Variants in SGK2 observed in about 807,000 individuals in gnomAD.
SGK2 encodes serum/glucocorticoid regulated kinase 2.
Under a neutral mutation model 47.5 loss-of-function variants are expected in SGK2, and 36 were observed. The observed-to-expected ratio is 0.76, with a 90% confidence interval of 0.58 to 1.00. The LOEUF is 1.00. Ranked by LOEUF, SGK2 falls within the 50% of genes least tolerant of loss-of-function variation. The pLI is 0.00. For missense variants in SGK2, 404 were observed against 467.4 expected (o/e 0.86, Z 1.25); for synonymous variants, 157 against 181.9 (o/e 0.86, Z 1.10).
rs111670042 is a variant in SGK2 at position 43,562,417 on chromosome 20, C to CAA, written c.-24+3284_-24+3285dup. 1.6e-3 allele frequency among the ~76,000 whole-genome samples: 82 copies of CAA among 49,906 alleles called. 1 individual carries two copies. The highest frequency in any genetic ancestry group is 0.012 in the Middle Eastern group (1 of 82). The allele number at this position is 49,906 out of a possible 152,430, so 32.7% of individuals were successfully genotyped here. ...TGGGCTGCAGAGCTAAACCATGTCT[C>CAA]AAAAAAAAAAAAAAAAAAAAAAAAA... On this transcript the variant is annotated intron_variant, in intron 1 of 12. Coordinates refer to ENST00000373100, the MANE Select transcript of SGK2 (RefSeq NM_170693.3).
chr20:43,567,470 T>C (rs1417508885), intron 3 of SGK2, among the ~76,000 whole-genome samples, 195 bp from the exon 4 acceptor site: 4 of 152,160 alleles, frequency 2.6e-5, no homozygotes, highest in Non-Finnish European at 5.9e-5. Flanking sequence ...TGAGTTCCCC[T>C]GGGGCCAGGG....
intron 1 of SGK2, among the ~76,000 whole-genome samples, chr20:43,563,807 C>T (rs1568657938): frequency 6.6e-6 from 1 of 152,232 alleles, no homozygotes; most frequent in Non-Finnish European, 1.5e-5. Flanking sequence ...GTCAACATGA[C>T]ATCCTGCTGA....
rs112486997 is a variant in SGK2 at position 43,559,571 on chromosome 20, C to T, written c.-24+412C>T. On this transcript the variant is annotated intron_variant, in intron 1 of 12. Transcript: ENST00000373100. ...AGTTTTCTCCTCCTTGAAACAGGGA[C>T]GATGATAGTTCCTAACCCGTGGGGT... Among the ~76,000 whole-genome samples, 95 of 152,216 alleles carry T rather than the reference C, an allele frequency of 6.2e-4. 1 individual carries two copies. Among genetic ancestry groups the T allele is most frequent in the African/African-American group, 2.0e-3 (83 of 41,538 alleles).
At chr20:43,584,733 A>G in intron 12 of SGK2, 119 bp from the exon 13 acceptor site, 1 of 739,396 alleles carries the variant, frequency 1.4e-6, no homozygotes, top group Admixed American at 2.3e-5. Context: ...ACAGTCAAGT[A>G]TGGATGACTG....
At position 43,564,471 on chromosome 20, in the gene SGK2, G is replaced by A. The variant is rs6017118; in HGVS notation, c.-23-2002G>A. ...GTTCGTATACACAGGCCCCCTAGCC[G>A]CACGCATGCGTGCATGCACGCGCGC... On this transcript the variant is annotated intron_variant, in intron 1 of 12. Coordinates refer to ENST00000373100, the MANE Select transcript of SGK2 (RefSeq NM_170693.3). 3.1e-3 allele frequency among the ~76,000 whole-genome samples: 474 copies of A among 152,202 alleles called. 3 individuals are homozygous for A. Among genetic ancestry groups the A allele is most frequent in the African/African-American group, 0.011 (448 of 41,496 alleles).
At position 43,585,021 on chromosome 20, in the gene SGK2, G is replaced by A; in HGVS notation, c.*5G>A. 6.2e-7 allele frequency: 1 copy of A among 1,611,610 alleles called. No individual in the cohort carries two copies. Among genetic ancestry groups the A allele is most frequent in the Non-Finnish European group, 8.5e-7 (1 of 1,178,274 alleles). ...GATGACATCTTGGATTGCTAGAAGA[G>A]AAGGACCTGTGAAACTACTGAGGCC... On this transcript the variant is annotated 3_prime_UTR_variant, in exon 13 of 13. Coordinates refer to ENST00000373100, the MANE Select transcript of SGK2 (RefSeq NM_170693.3).
At chr20:43,566,335 C>G in intron 1 of SGK2, 138 bp from the exon 2 acceptor site, 1 of 1,611,828 alleles carries the variant, frequency 6.2e-7, no homozygotes, top group South Asian at 1.1e-5. Flanking sequence ...TTGCTTACCT[C>G]GGGTAGGAAA....
At chr20:43,565,569 T>C (rs377158527) in intron 1 of SGK2, among the ~76,000 whole-genome samples, 7 of 152,204 alleles carry the variant, frequency 4.6e-5, no homozygotes, top group African/African-American at 1.7e-4. Context: ...CTTGTAAAGA[T>C]AGGAAATCTC....
intron 7 of SGK2, 136 bp downstream of exon 7, chr20:43,570,865 T>C (rs896886199): frequency 9.2e-6 from 12 of 1,310,166 alleles, no homozygotes; most frequent in African/African-American, 4.4e-5. Flanking sequence ...AGTCTCCTCC[T>C]CCGAGGTCCA....
chr20:43,561,793 A>G (rs1242004913), intron 1 of SGK2, among the ~76,000 whole-genome samples: 2 of 151,972 alleles, frequency 1.3e-5, no homozygotes, highest in Non-Finnish European at 2.9e-5. Flanking sequence ...GGCTTTTCAT[A>G]GAGAAAGATT....
At position 43,572,001 on chromosome 20, in the gene SGK2, A is replaced by G. The variant is rs1303002552; in HGVS notation, c.511-50A>G. 1.4e-6 allele frequency: 2 copies of G among 1,380,054 alleles called. No homozygotes were observed. The highest frequency in any genetic ancestry group is 1.4e-5 in the African/African-American group (1 of 69,752). 85.5% of individuals were successfully genotyped at this position (1,380,054 alleles called of 1,614,324 possible). On this transcript the variant is annotated intron_variant, in intron 8 of 12. Transcript: ENST00000373100. This position sits in a 1 kb window ranked among gnomAD's most constrained non-coding sequence, Gnocchi z 4.2. ...TGGGCTTTGGGGGTTAGGCCTGGCCATACCCTTGGCTCATACCACCCTCCA... is the reference window on the plus strand; with the variant it reads ...TGGGCTTTGGGGGTTAGGCCTGGCCGTACCCTTGGCTCATACCACCCTCCA...
At chr20:43,571,848 C>T (rs553146990) in intron 8 of SGK2, among the ~76,000 whole-genome samples, 1 of 152,192 alleles carries the variant, frequency 6.6e-6, no homozygotes, top group African/African-American at 2.4e-5. Flanking sequence ...TGTGGGCAAA[C>T]AGTGGAATGC....
chr20:43,561,685 C>T (rs931482937), intron 1 of SGK2, among the ~76,000 whole-genome samples: 1 of 151,236 alleles, frequency 6.6e-6, no homozygotes, highest in Non-Finnish European at 1.5e-5. Flanking sequence ...CCGCGCCCAG[C>T]TGAGGCTTTG....
chr20:43,585,073 C>A lies in SGK2; in HGVS notation c.*57C>A. 1 of 1,518,054 alleles carries A rather than the reference C, an allele frequency of 6.6e-7. No individual in the cohort carries two copies. The highest frequency in any genetic ancestry group is 9.0e-7 in the Non-Finnish European group (1 of 1,112,730). 94.0% of individuals were successfully genotyped at this position (1,518,054 alleles called of 1,614,324 possible). ...GCTGGTATTAGTAAGGAATTACCTT[C>A]AGCTGCTAGGAAGAGCGACTCAAAC... On this transcript the variant is annotated 3_prime_UTR_variant, in exon 13 of 13. Coordinates refer to ENST00000373100, the MANE Select transcript of SGK2 (RefSeq NM_170693.3).
intron 5 of SGK2, among the ~76,000 whole-genome samples, chr20:43,568,247 C>A (rs1415563695): frequency 6.6e-6 from 1 of 152,216 alleles, no homozygotes; most frequent in Non-Finnish European, 1.5e-5. Context: ...AACACAGGCT[C>A]CACGATGGAC....
chr20:43,581,154 C>T (rs1446865544), intron 12 of SGK2, among the ~76,000 whole-genome samples: 2 of 152,114 alleles, frequency 1.3e-5, no homozygotes, highest in East Asian at 1.9e-4. Context: ...GGATTACAGG[C>T]GTGAGCCACC....
At chr20:43,573,321 T>C (rs1418974591) in intron 9 of SGK2, among the ~76,000 whole-genome samples, 10 of 152,134 alleles carry the variant, frequency 6.6e-5, no homozygotes, top group Non-Finnish European at 1.3e-4. Context: ...AAACCCCGTC[T>C]CTACTAAAAA....
At chr20:43,563,571 A>G (rs1979515590) in intron 1 of SGK2, among the ~76,000 whole-genome samples, 1 of 152,158 alleles carries the variant, frequency 6.6e-6, no homozygotes, top group South Asian at 2.1e-4. Flanking sequence ...TCTTTCAAAG[A>G]GTTTAGCTGA....
rs1161599660 is a variant in SGK2 at position 43,572,473 on chromosome 20, T to C, written c.597+336T>C. 6.6e-6 allele frequency among the ~76,000 whole-genome samples: 1 copy of C among 152,084 alleles called. No individual in the cohort carries two copies. Among genetic ancestry groups the C allele is most frequent in the East Asian group, 1.9e-4 (1 of 5,188 alleles). On this transcript the variant is annotated intron_variant, in intron 9 of 12. Transcript: ENST00000373100. The surrounding 1 kb of genome is among the most constrained non-coding windows in gnomAD (Gnocchi z 4.2). ...GGCAGATCACCTGAGGTCAGGAGTTTGAGACCAGCCTGGGTAACATGGTGA... is the reference window on the plus strand; with the variant it reads ...GGCAGATCACCTGAGGTCAGGAGTTCGAGACCAGCCTGGGTAACATGGTGA...
Sources: gnomAD v4.1 joint callset for allele counts (sites outside exome capture counted in the v4.1 genomes callset) on GRCh38, gnomAD v4.1.1 for gene constraint, Gnocchi (gnomAD v3.1) non-coding constraint, MANE v1.5 for transcripts, NCBI Gene and HGNC (gene_info 2026-07-23, HGNC 2026-07-21) for gene names.